Variants in TANGO2 observed in about 807,000 individuals in gnomAD.
TANGO2 encodes the protein transport and Golgi organization protein 2 homolog.
Under a neutral mutation model 39.1 loss-of-function variants are expected in TANGO2, and 26 were observed. That is an observed-to-expected ratio of 0.67 (90% CI 0.49 to 0.92). TANGO2 has a LOEUF of 0.92. TANGO2 is among the 40% of genes least tolerant of loss of function. TANGO2 has a pLI of 0.00. For synonymous variants in TANGO2, 131 were observed against 144.5 expected, an observed-to-expected ratio of 0.91 and a Z score of 0.67; for missense variants, 326 against 360.1, an observed-to-expected ratio of 0.91 and a Z score of 0.77.
chr22:20,067,043 G>A lies in TANGO2; in HGVS notation c.*2381G>A, dbSNP rs1424282355. 1 of 152,188 alleles carries A rather than the reference G, an allele frequency of 6.6e-6. No individual in the cohort carries two copies. Among genetic ancestry groups the A allele is most frequent in the African/African-American group, 2.4e-5 (1 of 41,428 alleles). The allele number at this position is 152,188 out of a possible 1,614,324, so 9.4% of individuals were successfully genotyped here. A position where few individuals can be genotyped will look rare whatever the true frequency, so the allele number is the denominator to read the frequency against. On this transcript the variant is annotated 3_prime_UTR_variant, in exon 9 of 9. Coordinates refer to ENST00000327374, the MANE Select transcript of TANGO2 (RefSeq NM_152906.7). Reference sequence around the variant, plus strand: ...GAATGTGACTGCATTTGGAGATAGGGTTCTTCCAGGGGTAACCAAGGTAGA... The same window carrying A: ...GAATGTGACTGCATTTGGAGATAGGATTCTTCCAGGGGTAACCAAGGTAGA...
intron 6 of TANGO2, 82 bp from the exon 7 acceptor site, chr22:20,061,448 G>A (rs557323812): frequency 2.0e-5 from 30 of 1,466,088 alleles, no homozygotes; most frequent in Middle Eastern, 2.4e-4. Context: ...GCTGTACCCC[G>A]TGTTAGGTGG....
Position 20,065,066 on chromosome 22 carries a change from GCACA to G in TANGO2, c.*407_*410del. The G allele has an allele frequency of 4.8e-6, 1 of 206,764 alleles. No homozygotes were observed. Among genetic ancestry groups the G allele is most frequent in the South Asian group, 9.1e-5 (1 of 10,994 alleles). The allele number at this position is 206,764 out of a possible 1,614,324, so 12.8% of individuals were successfully genotyped here. A position where few individuals can be genotyped will look rare whatever the true frequency, so the allele number is the denominator to read the frequency against. ...ACGTGCACAGGTGTGCTACACATGTGCACACATGCACAGTTGCACAGACACACAC... is the reference window on the plus strand; with the variant it reads ...ACGTGCACAGGTGTGCTACACATGTGCATGCACAGTTGCACAGACACACAC... On this transcript the variant is annotated 3_prime_UTR_variant, in exon 9 of 9. Transcript: ENST00000327374.
At chr22:20,047,928 G>GTT (rs695301) in intron 3 of TANGO2, 7 of 141,006 alleles carry the variant, frequency 5.0e-5, no homozygotes, top group Non-Finnish European at 7.8e-5. Flanking sequence ...ATAGTGTTTT[G>GTT]TTTTTTTTTT....
Position 20,061,608 on chromosome 22 carries a change from C to T in TANGO2, c.530C>T (p.Ala177Val), listed in dbSNP as rs201445453. ...LCFGKQLFLE[A>V]VERSQALPKD... ...TTTGGGAAGCAGCTCTTCCTGGAGGCTGTGGAACGGAGCCAGGCGCTGCCC... is the reference window on the plus strand; with the variant it reads ...TTTGGGAAGCAGCTCTTCCTGGAGGTTGTGGAACGGAGCCAGGCGCTGCCC... Residue 177 changes from alanine (A) to valine (V), a missense_variant, in exon 7 of 9, where the codon GCT becomes GTT. Coordinates refer to ENST00000327374, the MANE Select transcript of TANGO2 (RefSeq NM_152906.7). The T allele has an allele frequency of 6.3e-7, 1 of 1,587,276 alleles. No homozygotes were observed. Among genetic ancestry groups the T allele is most frequent in the East Asian group, 2.3e-5 (1 of 44,118 alleles).
In TANGO2 at chr22:20,065,064, G is replaced by C; in HGVS notation, c.*402G>C. On this transcript the variant is annotated 3_prime_UTR_variant, in exon 9 of 9. Transcript: ENST00000327374. ...GTACGTGCACAGGTGTGCTACACATGTGCACACATGCACAGTTGCACAGAC... is the reference window on the plus strand; with the variant it reads ...GTACGTGCACAGGTGTGCTACACATCTGCACACATGCACAGTTGCACAGAC... 4.6e-6 allele frequency: 1 copy of C among 216,120 alleles called. No homozygotes were observed. 13.4% of individuals were successfully genotyped at this position (216,120 alleles called of 1,614,324 possible).
intron 1 of TANGO2, among the ~76,000 whole-genome samples, chr22:20,035,054 T>G (rs2042595408): frequency 6.6e-6 from 1 of 152,226 alleles, no homozygotes; most frequent in South Asian, 2.1e-4. Flanking sequence ...CCCAACCCAC[T>G]TCCAGCCCCA....
chr22:20,061,331 C>T (rs763479435), intron 6 of TANGO2, 199 bp from the exon 7 acceptor site: 3 of 563,356 alleles, frequency 5.3e-6, no homozygotes, highest in Non-Finnish European at 6.0e-6. Context: ...CCGCCTACTG[C>T]TGAGTTCTCC....
intron 7 of TANGO2, among the ~76,000 whole-genome samples, chr22:20,062,249 C>G (rs958900177): frequency 6.6e-6 from 1 of 152,182 alleles, no homozygotes; most frequent in East Asian, 1.9e-4. Context: ...CTGGGGTCTT[C>G]GTTGCCCCAG....
upstream of TANGO2, among the ~76,000 whole-genome samples, chr22:20,019,469 A>C (rs1858770): frequency 0.1 from 15,824 of 152,260 alleles, 1,737 homozygotes; most frequent in African/African-American, 0.27. Context: ...GTGGTGACAA[A>C]GAAGATCAGA....
intron 2 of TANGO2, among the ~76,000 whole-genome samples, chr22:20,042,670 C>T (rs571651949): frequency 3.3e-5 from 5 of 152,098 alleles, no homozygotes; most frequent in East Asian, 1.9e-4. Context: ...GAGGCTGAGG[C>T]GGGAGAATAG....
At chr22:20,020,940 G>A (rs1276314912), upstream of TANGO2, 1 of 152,082 alleles carries the variant, frequency 6.6e-6, no homozygotes, top group Non-Finnish European at 1.5e-5. Flanking sequence ...GCAGCCCCGG[G>A]GGCGGGGCGC....
chr22:20,030,823 T>C (rs937841717), intron 1 of TANGO2, among the ~76,000 whole-genome samples: 7 of 152,210 alleles, frequency 4.6e-5, no homozygotes, highest in African/African-American at 1.2e-4. Flanking sequence ...TCATTAAGAC[T>C]TCCTGAGGTG....
chr22:20,064,803 G>A lies in TANGO2; in HGVS notation c.*141G>A, dbSNP rs1602443094. The A allele has an allele frequency of 9.2e-7, 1 of 1,086,432 alleles. No homozygotes were observed. The highest frequency in any genetic ancestry group is 1.3e-6 in the Non-Finnish European group (1 of 774,184). The allele number at this position is 1,086,432 out of a possible 1,614,324, so 67.3% of individuals were successfully genotyped here. ...CCCCCGGATCAGGGCCCTGTGGTTTGCGTGTTACCCATCTGTGTCCCCATG... is the reference window on the plus strand; with the variant it reads ...CCCCCGGATCAGGGCCCTGTGGTTTACGTGTTACCCATCTGTGTCCCCATG... On this transcript the variant is annotated 3_prime_UTR_variant, in exon 9 of 9. Transcript: ENST00000327374.
intron 8 of TANGO2, 142 bp from the exon 9 acceptor site, chr22:20,064,400 T>G: frequency 9.9e-7 from 1 of 1,005,964 alleles, no homozygotes; most frequent in Non-Finnish European, 1.5e-6. Flanking sequence ...AGACTGAGGC[T>G]GCTGCTCTCT....
intron 1 of TANGO2, among the ~76,000 whole-genome samples, chr22:20,022,813 T>C (rs1474865607): frequency 6.6e-6 from 1 of 152,174 alleles, no homozygotes; most frequent in African/African-American, 2.4e-5. Flanking sequence ...TGGAGAGAAA[T>C]GGCCCGGGAT....
chr22:20,026,354 C>T (rs547413075), intron 1 of TANGO2, among the ~76,000 whole-genome samples: 21 of 151,340 alleles, frequency 1.4e-4, no homozygotes, highest in Middle Eastern at 3.4e-3. Context: ...GCTGAGATCG[C>T]GCCGTTGAAC....
At chr22:20,020,658 A>C (rs1257086101), upstream of TANGO2, among the ~76,000 whole-genome samples, 2 of 152,068 alleles carry the variant, frequency 1.3e-5, no homozygotes, top group Admixed American at 1.3e-4. Context: ...GGGATGACCA[A>C]GAGGAAGATG....
chr22:20,026,384 C>T (rs922442553), intron 1 of TANGO2, among the ~76,000 whole-genome samples: 5 of 127,044 alleles, frequency 3.9e-5, no homozygotes, highest in South Asian at 2.8e-4. Flanking sequence ...GGCGACATAG[C>T]GAGACTTCGT....
chr22:20,055,970 CT>C lies in TANGO2; in HGVS notation c.409del (p.Tyr137MetfsTer12). ...STAKGDVICYYGNRGEPDPIV... is the reference protein window; with the variant it reads ...STAKGDVICYXGNRGEPDPIV... ...CAGCAAAGGGAGACGTCATTTGCTA[CT>C]ATGGGAACCGAGGGGAGCCTGATCC... On this transcript the variant is annotated frameshift_variant, in exon 6 of 9. Transcript: ENST00000327374. LOFTEE classifies it high-confidence loss of function. The C allele has an allele frequency of 1.2e-6, 2 of 1,614,134 alleles. No individual in the cohort carries two copies. Among genetic ancestry groups the C allele is most frequent in the Non-Finnish European group, 1.7e-6 (2 of 1,179,942 alleles).
Sources: allele counts gnomAD v4.1 joint callset (sites outside exome capture counted in the v4.1 genomes callset), GRCh38; gene constraint gnomAD v4.1.1; transcripts MANE v1.5; gene names NCBI Gene and HGNC (gene_info 2026-07-23, HGNC 2026-07-21).